ADGRL3: variants seen among roughly 807,000 people sequenced by gnomAD.
ADGRL3 encodes adhesion G protein-coupled receptor L3.
In ADGRL3, 62 loss-of-function variants were observed where a neutral mutation model predicts 153.5. The ratio of observed to expected loss-of-function variants is 0.40; its 90% CI spans 0.33 to 0.50. ADGRL3 has a LOEUF of 0.50. Among genes scored for constraint, ADGRL3 ranks in the 20% least tolerant of loss-of-function variants. The pLI is 0.47. For synonymous variants in ADGRL3, 710 were observed against 672.5 expected (o/e 1.06, Z -0.86); for missense variants, 1,641 against 1,859.4 (o/e 0.88, Z 2.16).
rs2099088368 is a variant in ADGRL3, at chr4:61,987,125, TTTTATTTTATTTTATTTTATTTTA to T, written c.3236+3555_3236+3578del. On this transcript the variant is annotated intron_variant, in intron 19 of 26. Coordinates refer to ENST00000683033, the MANE Select transcript of ADGRL3 (RefSeq NM_001387552.1). ...ATTGCTTTTATTTTATTTTATTTTA[TTTTATTTTATTTTATTTTATTTTA>T]TTTATTTTATTTTATTTTATTTTAT... Among the ~76,000 whole-genome samples, 7 of 147,280 alleles carry T rather than the reference TTTTATTTTATTTTATTTTATTTTA, an allele frequency of 4.8e-5. No individual in the cohort carries two copies. The South Asian group carries it at 1.3e-3, about 27-fold the overall frequency.
At chr4:61,612,789 A>G (rs183320571) in intron 5 of ADGRL3, among the ~76,000 whole-genome samples, 2 of 152,288 alleles carry the variant, frequency 1.3e-5, no homozygotes, top group Admixed American at 1.3e-4. Flanking sequence ...TTATTACTAT[A>G]TATGGGATGT....
chr4:61,652,888 C>T lies in ADGRL3; in HGVS notation c.474-23938C>T, dbSNP rs559381961. 7.8e-4 allele frequency among the ~76,000 whole-genome samples: 118 copies of T among 152,240 alleles called. 1 individual carries two copies. The highest frequency in any genetic ancestry group is 2.7e-3 in the African/African-American group (114 of 41,546). On this transcript the variant is annotated intron_variant, in intron 5 of 26. Coordinates refer to ENST00000683033, the MANE Select transcript of ADGRL3 (RefSeq NM_001387552.1). ...ATGATATGGAAGTGAATAATGTTCA[C>T]AATCCAGTGGGAGGGTCATTGATAA...
At chr4:61,629,303 ATTAC>A (rs1371018708) in intron 5 of ADGRL3, among the ~76,000 whole-genome samples, 1 of 152,124 alleles carries the variant, frequency 6.6e-6, no homozygotes, top group East Asian at 1.9e-4. Flanking sequence ...CACCCCTATT[ATTAC>A]TTACTTTGTA....
intron 3 of ADGRL3, among the ~76,000 whole-genome samples, chr4:61,500,017 CA>C (rs2098367831): frequency 8.4e-6 from 1 of 119,326 alleles, no homozygotes; most frequent in East Asian, 2.3e-4. Flanking sequence ...CACACACATA[CA>C]CACACAGAAA....
chr4:61,617,878 C>T (rs1230011308), intron 5 of ADGRL3, among the ~76,000 whole-genome samples: 3 of 152,166 alleles, frequency 2.0e-5, no homozygotes, highest in Admixed American at 2.0e-4. Flanking sequence ...CTAGGATTTT[C>T]TCTGACTGCT....
chr4:61,962,420 G>A (rs1581652655), intron 17 of ADGRL3, among the ~76,000 whole-genome samples: 1 of 151,906 alleles, frequency 6.6e-6, no homozygotes, highest in Non-Finnish European at 1.5e-5. Flanking sequence ...GAGAGTCATT[G>A]TTTTTTCAAG....
intron 1 of ADGRL3, among the ~76,000 whole-genome samples, chr4:61,367,317 A>G (rs922467557): frequency 9.9e-5 from 15 of 151,818 alleles, no homozygotes; most frequent in African/African-American, 3.6e-4. Flanking sequence ...TACATGTGCC[A>G]TGCTGGTGTG....
At chr4:61,450,335 G>A (rs2097658787) in intron 2 of ADGRL3, among the ~76,000 whole-genome samples, 1 of 152,092 alleles carries the variant, frequency 6.6e-6, no homozygotes, top group Non-Finnish European at 1.5e-5. Context: ...AATTGATTAT[G>A]GTGAAGGTCC....
intron 5 of ADGRL3, among the ~76,000 whole-genome samples, chr4:61,655,255 G>A (rs2094409845): frequency 6.6e-6 from 1 of 152,070 alleles, no homozygotes; most frequent in African/African-American, 2.4e-5. Flanking sequence ...TATAATAGCT[G>A]ACAAGTGACT....
chr4:61,383,604 A>C (rs962422138), intron 2 of ADGRL3, among the ~76,000 whole-genome samples: 2 of 151,812 alleles, frequency 1.3e-5, no homozygotes, highest in Non-Finnish European at 3.0e-5. Flanking sequence ...ACAATGTGTT[A>C]AAGTCATTTT....
At chr4:61,797,395 C>T (rs943612998) in intron 8 of ADGRL3, among the ~76,000 whole-genome samples, 5 of 151,952 alleles carry the variant, frequency 3.3e-5, no homozygotes, top group South Asian at 4.2e-4. Flanking sequence ...ATATTTTCTC[C>T]GAACTTAACG....
intron 4 of ADGRL3, among the ~76,000 whole-genome samples, chr4:61,534,506 G>C (rs531089820): frequency 5.9e-5 from 9 of 152,054 alleles, no homozygotes; most frequent in African/African-American, 1.9e-4. Context: ...GAAATGCACT[G>C]AATCTCTAGA....
At chr4:61,231,097 A>G (rs1345444993) in intron 1 of ADGRL3, among the ~76,000 whole-genome samples, 1 of 152,216 alleles carries the variant, frequency 6.6e-6, no homozygotes, top group Non-Finnish European at 1.5e-5. Flanking sequence ...GCGGAAGTCC[A>G]GTTTTTTGGG....
At position 61,237,022 on chromosome 4, in the gene ADGRL3, G is replaced by T. The variant is rs1446074537; in HGVS notation, c.-240+35257G>T. 3.3e-5 allele frequency among the ~76,000 whole-genome samples: 5 copies of T among 152,140 alleles called. 1 individual carries two copies. Among genetic ancestry groups the T allele is most frequent in the African/African-American group, 1.2e-4 (5 of 41,536 alleles). On this transcript the variant is annotated intron_variant, in intron 1 of 26. Coordinates refer to ENST00000683033, the MANE Select transcript of ADGRL3 (RefSeq NM_001387552.1). ...ACTCATTTATTTTTCAAAAAGAAAA[G>T]AAACTTTATTTACTCCTTCACAGTG...
intron 21 of ADGRL3, among the ~76,000 whole-genome samples, chr4:62,002,383 G>A (rs1350654906): frequency 6.7e-6 from 1 of 149,066 alleles, no homozygotes; most frequent in African/African-American, 2.5e-5. Flanking sequence ...TTTCCCTAAC[G>A]CTATGACTGG....
intron 2 of ADGRL3, among the ~76,000 whole-genome samples, chr4:61,414,234 A>T (rs1184963242): frequency 6.6e-6 from 1 of 152,212 alleles, no homozygotes; most frequent in Non-Finnish European, 1.5e-5. Context: ...GAATAATAAT[A>T]ACAAAAGCAT....
chr4:61,862,905 G>C (rs1381029892), intron 9 of ADGRL3, among the ~76,000 whole-genome samples: 1 of 152,090 alleles, frequency 6.6e-6, no homozygotes, highest in East Asian at 1.9e-4. Context: ...TGAGGGGGTG[G>C]GGGTGAAGGG....
chr4:61,934,732 C>A, intron 13 of ADGRL3, 108 bp from the exon 14 acceptor site: 1 of 760,018 alleles, frequency 1.3e-6, no homozygotes. Context: ...ATACTGAACT[C>A]ATGCACACAC....
intron 6 of ADGRL3, among the ~76,000 whole-genome samples, chr4:61,690,575 T>C (rs1198424686): frequency 6.6e-6 from 1 of 152,132 alleles, no homozygotes; most frequent in East Asian, 1.9e-4. Context: ...CTGTCTCCCA[T>C]ATTCACCTTA....
Sources: allele counts gnomAD v4.1 joint callset (sites outside exome capture counted in the v4.1 genomes callset), GRCh38; gene constraint gnomAD v4.1.1; transcripts MANE v1.5; gene names NCBI Gene and HGNC (gene_info 2026-07-23, HGNC 2026-07-21).